Variants in AFDN observed in about 807,000 individuals in gnomAD.
AFDN encodes the protein afadin, adherens junction formation factor, also known as afadin.
In AFDN, 68 loss-of-function variants were observed where a neutral mutation model predicts 216.6. The ratio of observed to expected loss-of-function variants is 0.31; its 90% CI spans 0.26 to 0.38. The LOEUF (loss-of-function observed/expected upper bound fraction) is 0.38. Among genes scored for constraint, AFDN ranks in the 10% least tolerant of loss-of-function variants. The pLI is 1.00. For missense variants in AFDN, 2,136 were observed against 2,342.0 expected (o/e 0.91, Z 1.82); for synonymous variants, 868 against 853.7 (o/e 1.02, Z -0.29).
At chr6:167,832,301 C>G (rs1395046799) in intron 1 of AFDN, among the ~76,000 whole-genome samples, 2 of 152,140 alleles carry the variant, frequency 1.3e-5, no homozygotes, top group Non-Finnish European at 2.9e-5. Context: ...CAGTTCGTGT[C>G]TCTCTATGTG....
chr6:167,870,091 A>AG (rs1282536617), intron 2 of AFDN, among the ~76,000 whole-genome samples: 4 of 152,312 alleles, frequency 2.6e-5, no homozygotes, highest in African/African-American at 9.6e-5. Context: ...TTTAGCAAAA[A>AG]CCATGTATAC....
intron 23 of AFDN, among the ~76,000 whole-genome samples, chr6:167,939,273 C>T (rs73034982): frequency 0.02 from 2,989 of 152,192 alleles, 53 homozygotes; most frequent in Non-Finnish European, 0.033. Context: ...TTACATTAAC[C>T]GGAAGATAAT....
chr6:167,836,376 C>T (rs1431840917), intron 1 of AFDN, among the ~76,000 whole-genome samples: 1 of 152,210 alleles, frequency 6.6e-6, no homozygotes, highest in Non-Finnish European at 1.5e-5. Context: ...CAACCATCGG[C>T]TGTGTAAAGA....
chr6:167,931,000 G>C (rs1019779684), intron 23 of AFDN, among the ~76,000 whole-genome samples: 2 of 140,988 alleles, frequency 1.4e-5, no homozygotes. Flanking sequence ...CTTACAATAG[G>C]GTCGTGGCAG....
intron 6 of AFDN, among the ~76,000 whole-genome samples, chr6:167,888,648 A>G (rs1787176218): frequency 6.6e-6 from 1 of 152,250 alleles, no homozygotes; most frequent in South Asian, 2.1e-4. Flanking sequence ...CAATGAATAC[A>G]GTATATTGAA....
rs181256152 is a variant in AFDN, at chr6:167,831,325, G to A, written c.105+4088G>A. ...AATGAGATGGATGATTGCCAATGAT[G>A]TATTTTTAGTATTTATAGGCATCCC... On this transcript the variant is annotated intron_variant, in intron 1 of 33. Transcript: ENST00000683244. Among the ~76,000 whole-genome samples, 43 of 152,294 alleles carry A rather than the reference G, an allele frequency of 2.8e-4. No individual in the cohort carries two copies. In the East Asian group the frequency reaches 8.1e-3, roughly 29 times the overall value.
intron 5 of AFDN, among the ~76,000 whole-genome samples, chr6:167,879,711 G>C (rs899695456): frequency 6.6e-6 from 1 of 152,098 alleles, no homozygotes; most frequent in Non-Finnish European, 1.5e-5. Context: ...TGCTGTAGTT[G>C]GTTTTCTTTT....
chr6:167,893,791 G>A (rs1399897180), intron 8 of AFDN, 71 bp from the exon 9 acceptor site: 6 of 1,174,786 alleles, frequency 5.1e-6, no homozygotes, highest in South Asian at 1.3e-5. Context: ...TCCCTATTCC[G>A]CGTGTTCTGC....
intron 17 of AFDN, 58 bp downstream of exon 17, chr6:167,914,371 T>G: frequency 6.4e-7 from 1 of 1,564,818 alleles, no homozygotes; most frequent in Admixed American, 1.8e-5. Flanking sequence ...ATTTGTTTTC[T>G]TATTCAGTTT....
At chr6:167,874,407 T>C (rs905341684) in intron 4 of AFDN, among the ~76,000 whole-genome samples, 2 of 152,206 alleles carry the variant, frequency 1.3e-5, no homozygotes, top group Admixed American at 1.3e-4. Context: ...AAAGTATGTT[T>C]ACCAAAATTT....
At chr6:167,906,962 G>A (rs1489593213) in intron 12 of AFDN, among the ~76,000 whole-genome samples, 1 of 152,238 alleles carries the variant, frequency 6.6e-6, no homozygotes, top group African/African-American at 2.4e-5. Context: ...AATGAAAGTG[G>A]CTGTGCGTCT....
intron 5 of AFDN, among the ~76,000 whole-genome samples, chr6:167,875,977 GATA>G (rs1477059364): frequency 6.6e-6 from 1 of 152,068 alleles, no homozygotes; most frequent in Non-Finnish European, 1.5e-5. Context: ...TAAAATAATT[GATA>G]ATAATTCCTT....
chr6:167,914,831 AAAAT>A (rs1790839263), intron 18 of AFDN, 93 bp downstream of exon 18: 1 of 847,822 alleles, frequency 1.2e-6, no homozygotes, highest in Non-Finnish European at 1.9e-6. Flanking sequence ...AGGTGTTTTT[AAAAT>A]AAATGGGATG....
chr6:167,888,883 G>A (rs990822655), intron 6 of AFDN, among the ~76,000 whole-genome samples: 1 of 152,074 alleles, frequency 6.6e-6, no homozygotes, highest in African/African-American at 2.4e-5. Flanking sequence ...ATTGAAATTT[G>A]CAATAGTGAA....
intron 22 of AFDN, among the ~76,000 whole-genome samples, chr6:167,923,930 T>A (rs1792159725): frequency 6.6e-6 from 1 of 152,238 alleles, no homozygotes; most frequent in African/African-American, 2.4e-5. Context: ...CGGCCCCTAA[T>A]ACTTTTTATT....
intron 30 of AFDN, among the ~76,000 whole-genome samples, chr6:167,956,739 A>G (rs1366570042): frequency 1.3e-5 from 2 of 152,172 alleles, no homozygotes; most frequent in Non-Finnish European, 2.9e-5. Context: ...GAAACCTCAC[A>G]GTCATGCATG....
At chr6:167,924,940 T>G (rs1384254616) in intron 22 of AFDN, 65 bp from the exon 23 acceptor site, 1 of 1,102,754 alleles carries the variant, frequency 9.1e-7, no homozygotes, top group Non-Finnish European at 1.4e-6. Context: ...AGATCATGAG[T>G]TGTCTAACCA....
At chr6:167,936,516 A>G (rs1371418861) in intron 23 of AFDN, among the ~76,000 whole-genome samples, 5 of 152,248 alleles carry the variant, frequency 3.3e-5, no homozygotes, top group African/African-American at 1.2e-4. Context: ...TTTAGAAATA[A>G]GACCTAAATT....
chr6:167,954,402 A>G, intron 30 of AFDN: 1 of 1,499,564 alleles, frequency 6.7e-7, no homozygotes, highest in Non-Finnish European at 9.0e-7. Flanking sequence ...TCTAAACCTA[A>G]CTTTTTTTTC....
Sources: gnomAD v4.1 joint callset for allele counts (sites outside exome capture counted in the v4.1 genomes callset) on GRCh38, gnomAD v4.1.1 for gene constraint, MANE v1.5 for transcripts, NCBI Gene and HGNC (gene_info 2026-07-23, HGNC 2026-07-21) for gene names.